Variants in SLC5A4 observed in about 807,000 individuals in gnomAD.
The protein encoded by SLC5A4 is solute carrier family 5 member 4.
Under a neutral mutation model 70.3 loss-of-function variants are expected in SLC5A4, and 55 were observed. The observed-to-expected ratio is 0.78, with a 90% CI of 0.63 to 0.98. The LOEUF (loss-of-function observed/expected upper bound fraction) is 0.98. Ranked by LOEUF, SLC5A4 falls within the 50% of genes least tolerant of loss-of-function variation. The probability of loss-of-function intolerance (pLI) is 0.00; values close to 1 mark genes in which losing one functional copy is unlikely to be tolerated. For synonymous variants in SLC5A4, 268 were observed against 305.7 expected (o/e 0.88, Z 1.29); for missense variants, 735 against 839.2 (o/e 0.88, Z 1.53).
the SLC5A4 span, among the ~76,000 whole-genome samples, chr22:32,353,960 C>A: frequency 6.6e-6 from 1 of 151,420 alleles, no homozygotes; most frequent in East Asian, 2.0e-4. Flanking sequence ...GACGCCCCAA[C>A]TCACTCCCTG....
At chr22:32,255,043 T>G in intron 1 of SLC5A4, 152 bp downstream of exon 1, 1 of 767,110 alleles carries the variant, frequency 1.3e-6, no homozygotes, top group Non-Finnish European at 2.2e-6. Flanking sequence ...ATTAGTTCAT[T>G]GTAAGCGTTA....
the SLC5A4 span, among the ~76,000 whole-genome samples, chr22:32,350,687 G>T: frequency 6.6e-6 from 1 of 151,888 alleles, no homozygotes; most frequent in African/African-American, 2.4e-5. Flanking sequence ...ATCTACTCTG[G>T]ACAAAAATTT....
chr22:32,334,994 C>T, the SLC5A4 span, among the ~76,000 whole-genome samples: 3 of 152,314 alleles, frequency 2.0e-5, no homozygotes, highest in African/African-American at 7.2e-5. Context: ...AGGGACGCTC[C>T]GCAGTGCTGG....
intron 7 of SLC5A4, among the ~76,000 whole-genome samples, chr22:32,236,340 T>C (rs1926056991): frequency 1.3e-5 from 2 of 152,210 alleles, no homozygotes; most frequent in South Asian, 2.1e-4. Context: ...ATGATACTAA[T>C]AAGTGAGCAT....
chr22:32,310,082 G>A, the SLC5A4 span, among the ~76,000 whole-genome samples: 1 of 121,968 alleles, frequency 8.2e-6, no homozygotes, highest in Non-Finnish European at 1.9e-5. Context: ...GACGGGGGAT[G>A]GGGGGGGTGG....
chr22:32,312,343 A>G, the SLC5A4 span, among the ~76,000 whole-genome samples: 23 of 142,840 alleles, frequency 1.6e-4, no homozygotes, highest in African/African-American at 5.8e-4. Flanking sequence ...AAACAAGAAC[A>G]CCCCAAATCA....
chr22:32,289,011 G>C, the SLC5A4 span, among the ~76,000 whole-genome samples: 1 of 152,080 alleles, frequency 6.6e-6, no homozygotes, highest in Non-Finnish European at 1.5e-5. Flanking sequence ...GGGTAGCAGT[G>C]ATGACAGCTG....
At chr22:32,343,500 T>G in the SLC5A4 span, among the ~76,000 whole-genome samples, 2 of 152,240 alleles carry the variant, frequency 1.3e-5, no homozygotes. Flanking sequence ...AAAGTAGGGT[T>G]GCTGATGGCA....
chr22:32,322,603 T>TG, the SLC5A4 span, among the ~76,000 whole-genome samples: 1 of 149,512 alleles, frequency 6.7e-6, no homozygotes. Context: ...AAAAAATTAT[T>TG]GGAAAAAAAA....
At chr22:32,328,984 C>T in the SLC5A4 span, among the ~76,000 whole-genome samples, 4 of 152,382 alleles carry the variant, frequency 2.6e-5, no homozygotes, top group South Asian at 2.1e-4. Context: ...AAGGTCTTCC[C>T]TCTGCCTCCT....
At chr22:32,311,387 G>A in the SLC5A4 span, among the ~76,000 whole-genome samples, 1 of 152,218 alleles carries the variant, frequency 6.6e-6, no homozygotes, top group Non-Finnish European at 1.5e-5. Context: ...AGAACTGGGG[G>A]AGATTTGGTA....
chr22:32,248,249 T>G (rs753939689), intron 4 of SLC5A4, among the ~76,000 whole-genome samples: 1 of 152,200 alleles, frequency 6.6e-6, no homozygotes, highest in Non-Finnish European at 1.5e-5. Flanking sequence ...ACTGGCCCAG[T>G]TGTCCCATAG....
intron 6 of SLC5A4, among the ~76,000 whole-genome samples, chr22:32,238,766 C>T (rs929332863): frequency 8.5e-5 from 13 of 152,178 alleles, no homozygotes; most frequent in Non-Finnish European, 1.9e-4. Context: ...CCCCATCCCC[C>T]ACATAATTCC....
intron 12 of SLC5A4, 50 bp downstream of exon 12, chr22:32,225,605 G>T: frequency 1.6e-6 from 2 of 1,259,994 alleles, no homozygotes; most frequent in South Asian, 1.4e-5. Flanking sequence ...TGAAATAAAC[G>T]ATTTTTTTCT....
the SLC5A4 span, chr22:32,270,380 C>T: frequency 6.9e-7 from 1 of 1,444,752 alleles, no homozygotes; most frequent in African/African-American, 1.4e-5. Context: ...CAGGTGGTGA[C>T]AACCTTTGAG....
the SLC5A4 span, among the ~76,000 whole-genome samples, chr22:32,278,020 T>G: frequency 9.1e-6 from 1 of 110,420 alleles, no homozygotes; most frequent in African/African-American, 3.8e-5. Context: ...AGCAGACAGC[T>G]TTGGTGAAAG....
the SLC5A4 span, among the ~76,000 whole-genome samples, chr22:32,343,893 T>A: frequency 6.6e-6 from 1 of 152,226 alleles, no homozygotes; most frequent in East Asian, 1.9e-4. Flanking sequence ...ATTGAACTCA[T>A]CCCTGGCATT....
the SLC5A4 span, among the ~76,000 whole-genome samples, chr22:32,323,412 T>C: frequency 6.8e-4 from 103 of 152,248 alleles, 1 homozygote; most frequent in Non-Finnish European, 1.3e-3. Flanking sequence ...TCTCTGTTCA[T>C]TGGATTCTGC....
At chr22:32,226,225 A>G (rs1166199223) in intron 11 of SLC5A4, among the ~76,000 whole-genome samples, 1 of 152,252 alleles carries the variant, frequency 6.6e-6, no homozygotes, top group African/African-American at 2.4e-5. Context: ...TGCAGGGAAC[A>G]AAGTTGGTTT....
Sources: allele counts gnomAD v4.1 joint callset (sites outside exome capture counted in the v4.1 genomes callset), GRCh38; gene constraint gnomAD v4.1.1; transcripts MANE v1.5; gene names NCBI Gene and HGNC (gene_info 2026-07-23, HGNC 2026-07-21).